Variants in CLDN14 observed in about 807,000 individuals in gnomAD.
CLDN14 encodes claudin 14, also known as claudin-14.
A neutral mutation model predicts 2.1 loss-of-function variants in CLDN14; 2 were observed. That is an observed-to-expected ratio of 0.96 (90% CI 0.39 to 3.01). The LOEUF is 3.01. CLDN14 is among the 30% of genes most tolerant of loss of function. CLDN14 has a pLI of 0.09. For missense variants in CLDN14, 298 were observed against 328.0 expected (o/e 0.91, Z 0.71); for synonymous variants, 136 against 154.4 (o/e 0.88, Z 0.88).
intron 1 of CLDN14, among the ~76,000 whole-genome samples, chr21:36,548,723 T>C (rs1202408892): frequency 6.6e-6 from 1 of 152,174 alleles, no homozygotes; most frequent in Non-Finnish European, 1.5e-5. Flanking sequence ...AAGGCATCGA[T>C]GACCCCCTGG....
chr21:36,468,447 C>A (rs1044630579), intron 1 of CLDN14, among the ~76,000 whole-genome samples: 2 of 152,022 alleles, frequency 1.3e-5, no homozygotes, highest in African/African-American at 4.8e-5. Flanking sequence ...TGTGGTGATG[C>A]ATGCCTGTAA....
chr21:36,560,472 G>A (rs971545794), intron 1 of CLDN14, among the ~76,000 whole-genome samples: 10 of 152,116 alleles, frequency 6.6e-5, no homozygotes, highest in Non-Finnish European at 1.2e-4. Context: ...GGGGCGGATC[G>A]GAGGTGCAAA....
intron 1 of CLDN14, among the ~76,000 whole-genome samples, chr21:36,543,364 G>T (rs2087505306): frequency 6.6e-6 from 1 of 152,136 alleles, no homozygotes; most frequent in South Asian, 2.1e-4. Context: ...CAGACAATTA[G>T]AAAAAGATTC....
intron 1 of CLDN14, among the ~76,000 whole-genome samples, chr21:36,537,067 G>A (rs1476889284): frequency 2.0e-5 from 3 of 152,208 alleles, no homozygotes; most frequent in African/African-American, 7.2e-5. Flanking sequence ...GCGCATGCCT[G>A]TAATTTCAGC....
At chr21:36,543,532 G>C (rs1415176713) in intron 1 of CLDN14, among the ~76,000 whole-genome samples, 1 of 152,328 alleles carries the variant, frequency 6.6e-6, no homozygotes, top group South Asian at 2.1e-4. Flanking sequence ...GTTATCATTT[G>C]ATAGTAATAC....
chr21:36,513,662 C>T (rs1315032309), intron 1 of CLDN14, among the ~76,000 whole-genome samples: 1 of 152,110 alleles, frequency 6.6e-6, no homozygotes, highest in Non-Finnish European at 1.5e-5. Flanking sequence ...GAGAAGGGGT[C>T]ATAAGCCCTC....
intron 1 of CLDN14, among the ~76,000 whole-genome samples, chr21:36,517,922 G>C (rs887278640): frequency 6.6e-6 from 1 of 152,176 alleles, no homozygotes; most frequent in African/African-American, 2.4e-5. Context: ...CTTTGAGCAA[G>C]AAAGACTTCT....
intron 2 of CLDN14, among the ~76,000 whole-genome samples, chr21:36,489,131 A>AAAAAAATATATATAT: frequency 1.6e-5 from 1 of 62,750 alleles, no homozygotes; most frequent in Admixed American, 2.7e-4. Context: ...AAAAAAAAAA[A>AAAAAAATATATATAT]ATATATATAT....
rs565298220 is a variant in CLDN14 at position 36,499,289 on chromosome 21, G to T, written c.-82+11074C>A. Reference sequence around the variant, plus strand: ...GTTTGTTTGTCGGTCTTACTCTGTCGCCCAGGCTGGAGTGCAGTGGTGTGA... The same window carrying T: ...GTTTGTTTGTCGGTCTTACTCTGTCTCCCAGGCTGGAGTGCAGTGGTGTGA... On this transcript the variant is annotated intron_variant, in intron 2 of 2. Transcript: ENST00000342108. The surrounding 1 kb of genome is among the most constrained non-coding windows in gnomAD (Gnocchi z 4.7). Among the ~76,000 whole-genome samples the T allele has an allele frequency of 6.6e-6, 1 of 152,092 alleles. No individual in the cohort carries two copies. The highest frequency in any genetic ancestry group is 1.5e-5 in the Non-Finnish European group (1 of 68,032).
At chr21:36,562,507 A>C (rs1377932386) in intron 1 of CLDN14, among the ~76,000 whole-genome samples, 3 of 152,226 alleles carry the variant, frequency 2.0e-5, no homozygotes, top group African/African-American at 7.2e-5. Flanking sequence ...CCTGAGGAAA[A>C]GGACCTATTT....
At chr21:36,540,433 C>A (rs995516845) in intron 1 of CLDN14, among the ~76,000 whole-genome samples, 10 of 152,090 alleles carry the variant, frequency 6.6e-5, no homozygotes, top group African/African-American at 1.9e-4. Flanking sequence ...GTATGGAGAG[C>A]CAACTGTACA....
chr21:36,493,239 C>G lies in CLDN14; in HGVS notation c.-82+17124G>C, dbSNP rs113738085. On this transcript the variant is annotated intron_variant, in intron 2 of 2. Coordinates refer to the CLDN14 transcript ENST00000342108. ...AGGGGCCTTCGTCCTGTCCTGGTCT[C>G]TGGGTCCACCCCACAGTTGGGGGTG... Among the ~76,000 whole-genome samples, 1,101 of 152,246 alleles carry G rather than the reference C, an allele frequency of 7.2e-3. 2 individuals carry two copies. Among genetic ancestry groups the G allele is most frequent in the Non-Finnish European group, 0.012 (817 of 68,014 alleles).
At chr21:36,554,435 G>A (rs1038239775) in intron 1 of CLDN14, among the ~76,000 whole-genome samples, 1 of 152,208 alleles carries the variant, frequency 6.6e-6, no homozygotes, top group Middle Eastern at 3.2e-3. Flanking sequence ...GAAAGCAGAG[G>A]CAGGTGCGTA....
intron 1 of CLDN14, among the ~76,000 whole-genome samples, chr21:36,560,498 C>T (rs2087626651): frequency 6.6e-6 from 1 of 152,118 alleles, no homozygotes; most frequent in East Asian, 1.9e-4. Flanking sequence ...GAGATAAGTG[C>T]ATATCATGTG....
At chr21:36,563,542 C>CA (rs1387833826) in intron 1 of CLDN14, among the ~76,000 whole-genome samples, 3 of 152,168 alleles carry the variant, frequency 2.0e-5, no homozygotes, top group African/African-American at 7.2e-5. Flanking sequence ...ACAATCCTTA[C>CA]AGTCTTATGA....
chr21:36,543,148 G>T (rs183828138), intron 1 of CLDN14, among the ~76,000 whole-genome samples: 99 of 152,324 alleles, frequency 6.5e-4, no homozygotes, highest in Admixed American at 3.9e-3. Flanking sequence ...TGCTGGGGCA[G>T]GGGCTGCCCT....
chr21:36,532,247 TC>T (rs1334476169), intron 1 of CLDN14: 1 of 152,148 alleles, frequency 6.6e-6, no homozygotes, highest in Non-Finnish European at 1.5e-5. Flanking sequence ...CTCCTCAGCG[TC>T]CTCATCGCAG....
chr21:36,487,036 G>A (rs2086905407), intron 2 of CLDN14: 1 of 267,714 alleles, frequency 3.7e-6, no homozygotes, highest in Non-Finnish European at 7.2e-6. Context: ...CTAGGCTGGT[G>A]TGCAATGGCG....
At chr21:36,508,564 C>T (rs1357836462) in intron 2 of CLDN14, among the ~76,000 whole-genome samples, 4 of 152,124 alleles carry the variant, frequency 2.6e-5, no homozygotes, top group Admixed American at 6.5e-5. Flanking sequence ...TGGGGGGCCC[C>T]GGAGAGCCAG....
Sources: allele counts gnomAD v4.1 joint callset (sites outside exome capture counted in the v4.1 genomes callset), GRCh38; gene constraint gnomAD v4.1.1; non-coding constraint Gnocchi (gnomAD v3.1); transcripts MANE v1.5; gene names NCBI Gene and HGNC (gene_info 2026-07-23, HGNC 2026-07-21).